CENPQ: variants seen among roughly 807,000 people sequenced by gnomAD.
CENPQ encodes centromere protein Q.
A neutral mutation model predicts 36.6 loss-of-function variants in CENPQ; 27 were observed. That is an observed-to-expected ratio of 0.74 (90% CI 0.54 to 1.02). CENPQ has a LOEUF of 1.02. Ranked by LOEUF, CENPQ falls within the 50% of genes least tolerant of loss-of-function variation. CENPQ has a pLI of 0.00. For synonymous variants in CENPQ, 101 were observed against 101.7 expected (o/e 0.99, Z 0.04); for missense variants, 306 against 301.8 (o/e 1.01, Z -0.10).
chr6:49,472,280 A>G, intron 4 of CENPQ, 97 bp downstream of exon 4: 1 of 975,070 alleles, frequency 1.0e-6, no homozygotes, highest in Non-Finnish European at 1.4e-6. Context: ...TTTTAAGGTA[A>G]TAGAGTATAT....
rs149545933 is a variant in CENPQ at position 49,482,898 on chromosome 6, G to A, written c.477+1818G>A. 7.3e-4 allele frequency among the ~76,000 whole-genome samples: 111 copies of A among 152,214 alleles called. 1 individual carries two copies. The East Asian group carries it at 0.017, about 23-fold the overall frequency. ...CTCAGGAGTGAAGCTGCAGACCTTC[G>A]CGGTGAGTGTTACAGCTCATAAAGG... On this transcript the variant is annotated intron_variant, in intron 6 of 8. Coordinates refer to ENST00000335783, the MANE Select transcript of CENPQ (RefSeq NM_018132.4).
intron 1 of CENPQ, among the ~76,000 whole-genome samples, chr6:49,464,268 TA>T (rs918812164): frequency 2.0e-5 from 3 of 151,594 alleles, no homozygotes; most frequent in African/African-American, 4.8e-5. Flanking sequence ...GCATTATGTG[TA>T]AAAAAAAATT....
chr6:49,478,672 A>G (rs548252895), intron 5 of CENPQ, among the ~76,000 whole-genome samples: 43 of 152,270 alleles, frequency 2.8e-4, no homozygotes, highest in African/African-American at 1.0e-3. Context: ...AGCTTAGGTG[A>G]TATACACCTA....
chr6:49,470,925 A>T lies in CENPQ; in HGVS notation c.103-49A>T, dbSNP rs1262328320. ...TCTATTGTAAAAGCAGGATCCTTTT[A>T]TCTGATGTTTAATTCTGTTTATGTT... On this transcript the variant is annotated intron_variant, in intron 2 of 8. Transcript: ENST00000335783. 11 of 1,077,714 alleles carry T rather than the reference A, an allele frequency of 1.0e-5. No individual in the cohort carries two copies. The Middle Eastern group carries it at 7.3e-4, about 71-fold the overall frequency. 66.8% of individuals were successfully genotyped at this position (1,077,714 alleles called of 1,614,324 possible).
intron 5 of CENPQ, among the ~76,000 whole-genome samples, chr6:49,474,671 T>C (rs1369921560): frequency 6.6e-6 from 1 of 151,894 alleles, no homozygotes; most frequent in Non-Finnish European, 1.5e-5. Flanking sequence ...AGAGCAGAAC[T>C]AAAGGAGATA....
intron 8 of CENPQ, among the ~76,000 whole-genome samples, chr6:49,491,056 T>G (rs187752121): frequency 6.6e-6 from 1 of 152,382 alleles, no homozygotes; most frequent in African/African-American, 2.4e-5. Flanking sequence ...AGACCTCCTT[T>G]GCACAGAGTT....
chr6:49,472,200 T>C lies in CENPQ; in HGVS notation c.278+17T>C. ...AGTAATAATGTGAGTATAAAATTGTTCCATTTCATTCTTTTGGTTCCCATT... is the reference window on the plus strand; with the variant it reads ...AGTAATAATGTGAGTATAAAATTGTCCCATTTCATTCTTTTGGTTCCCATT... On this transcript the variant is annotated intron_variant, in intron 4 of 8. Coordinates refer to ENST00000335783, the MANE Select transcript of CENPQ (RefSeq NM_018132.4). 6.3e-7 allele frequency: 1 copy of C among 1,576,364 alleles called. No individual in the cohort carries two copies. Among genetic ancestry groups the C allele is most frequent in the Non-Finnish European group, 8.6e-7 (1 of 1,162,188 alleles).
chr6:49,470,052 AG>A, intron 1 of CENPQ, 106 bp from the exon 2 acceptor site: 10 of 526,304 alleles, frequency 1.9e-5, no homozygotes, highest in South Asian at 5.1e-5. Context: ...AAAAAAAAAA[AG>A]AGAATGTGGA....
intron 5 of CENPQ, among the ~76,000 whole-genome samples, chr6:49,473,698 A>G (rs776499016): frequency 6.6e-6 from 1 of 152,202 alleles, no homozygotes; most frequent in African/African-American, 2.4e-5. Context: ...AATGGGCTAA[A>G]TGCTCCAGTT....
In CENPQ at chr6:49,467,435, A is replaced by G. The variant is rs530287572; in HGVS notation, c.-18-2724A>G. On this transcript the variant is annotated intron_variant, in intron 1 of 8. Transcript: ENST00000335783. ...CAGGGAATGGGGAAGGGCAGGGATT[A>G]TATAAGAAGTTTCTGTATGTTTTGC... Among the ~76,000 whole-genome samples, 358 of 152,328 alleles carry G rather than the reference A, an allele frequency of 2.4e-3. 2 individuals carry two copies. The highest frequency in any genetic ancestry group is 2.2e-3 in the Non-Finnish European group (148 of 68,030).
chr6:49,472,776 TTTTTC>T lies in CENPQ; in HGVS notation c.279-7_279-3del. 1 of 1,423,722 alleles carries T rather than the reference TTTTTC, an allele frequency of 7.0e-7. No individual in the cohort carries two copies. The highest frequency in any genetic ancestry group is 1.5e-5 in the African/African-American group (1 of 68,434). 88.2% of individuals were successfully genotyped at this position (1,423,722 alleles called of 1,614,324 possible). ...ATCAGACTACTATTTATTCCATCTT[TTTTTC>T]TTTTCTAGGACAATTTTGAGTAACA... On this transcript the variant is annotated splice_polypyrimidine_tract_variant and intron_variant, in intron 4 of 8. Transcript: ENST00000335783.
intron 6 of CENPQ, among the ~76,000 whole-genome samples, chr6:49,482,019 C>T (rs988672965): frequency 2.0e-5 from 3 of 152,084 alleles, no homozygotes; most frequent in Admixed American, 6.5e-5. Context: ...GCCGGTGGGC[C>T]GGCACTGCTG....
intron 6 of CENPQ, among the ~76,000 whole-genome samples, chr6:49,487,631 T>A (rs1193504391): frequency 3.9e-5 from 6 of 152,118 alleles, no homozygotes; most frequent in Admixed American, 3.3e-4. Context: ...TATTTACTTG[T>A]TCCCCAAAGC....
At position 49,478,827 on chromosome 6, in the gene CENPQ, G is replaced by A. The variant is rs182247120; in HGVS notation, c.348-2124G>A. ...ACAATTCTAAAGGAACATACTTCCA[G>A]AAAGTCTGCCCTATAGAAACAATGT... On this transcript the variant is annotated intron_variant, in intron 5 of 8. Transcript: ENST00000335783. 8.4e-3 allele frequency among the ~76,000 whole-genome samples: 1,277 copies of A among 152,228 alleles called. 8 individuals are homozygous for A. Among genetic ancestry groups the A allele is most frequent in the Non-Finnish European group, 0.012 (845 of 67,992 alleles).
rs554980196 is a variant in CENPQ, at chr6:49,488,555, T to C, written c.598-52T>C. On this transcript the variant is annotated intron_variant, in intron 7 of 8. Transcript: ENST00000335783. The stretch of plus-strand genomic sequence containing the variant: ...GCAAAGATAACTTTCGAGTATAATA[T>C]GATGAGAGAAATCAGCTTTTTGAAA... 3.4e-5 allele frequency: 55 copies of C among 1,595,394 alleles called. No individual in the cohort carries two copies. The East Asian group carries it at 5.6e-4, about 16-fold the overall frequency.
chr6:49,478,263 G>A lies in CENPQ; in HGVS notation c.348-2688G>A, dbSNP rs187175339. 2.0e-5 allele frequency among the ~76,000 whole-genome samples: 3 copies of A among 152,234 alleles called. No homozygotes were observed. The East Asian group carries it at 5.8e-4, about 29-fold the overall frequency. On this transcript the variant is annotated intron_variant, in intron 5 of 8. Coordinates refer to ENST00000335783, the MANE Select transcript of CENPQ (RefSeq NM_018132.4). Reference sequence around the variant, plus strand: ...CACTTGTTCTTACAGATAGTCTATGGATAAAAGTAACCTATGGTGAATTAT... The same window carrying A: ...CACTTGTTCTTACAGATAGTCTATGAATAAAAGTAACCTATGGTGAATTAT...
At chr6:49,472,540 A>AT (rs1768166289) in intron 4 of CENPQ, among the ~76,000 whole-genome samples, 2 of 152,190 alleles carry the variant, frequency 1.3e-5, no homozygotes, top group South Asian at 4.1e-4. Context: ...GAATTCTGCC[A>AT]TTGTGGAGCA....
At chr6:49,473,314 A>G (rs537047379) in intron 5 of CENPQ, among the ~76,000 whole-genome samples, 1 of 152,070 alleles carries the variant, frequency 6.6e-6, no homozygotes, top group East Asian at 1.9e-4. Flanking sequence ...TAAATCACCA[A>G]TGGAGATTTC....
At chr6:49,486,198 C>T (rs1246059431) in intron 6 of CENPQ, among the ~76,000 whole-genome samples, 1 of 152,164 alleles carries the variant, frequency 6.6e-6, no homozygotes, top group Admixed American at 6.5e-5. Context: ...CTGACAGCTA[C>T]CAAAAGCTGA....
Sources: allele counts gnomAD v4.1 joint callset (sites outside exome capture counted in the v4.1 genomes callset), GRCh38; gene constraint gnomAD v4.1.1; transcripts MANE v1.5; gene names NCBI Gene and HGNC (gene_info 2026-07-23, HGNC 2026-07-21).